FSHR: variants seen among roughly 807,000 people sequenced by gnomAD.
FSHR encodes the protein follicle-stimulating hormone receptor.
FSHR carries 46 observed loss-of-function variants against 52.1 expected under a neutral mutation model. The ratio of observed to expected loss-of-function variants is 0.88; its 90% CI spans 0.70 to 1.13. FSHR has a LOEUF of 1.13. Ranked by LOEUF, FSHR falls within the 50% of genes most tolerant of loss-of-function variation. FSHR has a pLI of 0.00. For missense variants in FSHR, 964 were observed against 834.6 expected, an observed-to-expected ratio of 1.16 and a Z score of -1.91; for synonymous variants, 399 against 309.6, an observed-to-expected ratio of 1.29 and a Z score of -3.03.
intron 8 of FSHR, among the ~76,000 whole-genome samples, chr2:48,971,338 G>T (rs182476684): frequency 4.1e-4 from 63 of 152,274 alleles, no homozygotes; most frequent in African/African-American, 1.4e-3. Context: ...CTCTGTCTCA[G>T]GCAGCAACTG....
At chr2:49,152,508 CT>C (rs749848192) in intron 1 of FSHR, among the ~76,000 whole-genome samples, 6 of 151,646 alleles carry the variant, frequency 4.0e-5, no homozygotes, top group Non-Finnish European at 7.4e-5. Flanking sequence ...TTTTCTTTCT[CT>C]TTTTCCCTTT....
At chr2:49,088,090 G>T (rs928364596) in intron 1 of FSHR, among the ~76,000 whole-genome samples, 1 of 152,148 alleles carries the variant, frequency 6.6e-6, no homozygotes, top group Non-Finnish European at 1.5e-5. Flanking sequence ...GCTGAGCATG[G>T]TTTATTTACT....
At chr2:49,043,239 C>G (rs930774617) in intron 2 of FSHR, among the ~76,000 whole-genome samples, 12 of 151,910 alleles carry the variant, frequency 7.9e-5, no homozygotes, top group African/African-American at 2.7e-4. Context: ...CTAAACTATC[C>G]CAGGTGTGGT....
At chr2:49,015,122 A>G (rs1195379526) in intron 4 of FSHR, among the ~76,000 whole-genome samples, 2 of 152,288 alleles carry the variant, frequency 1.3e-5, no homozygotes, top group African/African-American at 4.8e-5. Flanking sequence ...CAGCCGCTCT[A>G]TAGATAAGCA....
chr2:48,997,957 T>A (rs906433618), intron 4 of FSHR, among the ~76,000 whole-genome samples: 2 of 152,128 alleles, frequency 1.3e-5, no homozygotes, highest in Non-Finnish European at 2.9e-5. Context: ...AATTGCCTTC[T>A]GCTTCCTTCT....
rs1674314728 is a variant in FSHR at position 48,963,273 on chromosome 2, G to A, written c.1548C>T (p.Ile516=). The change falls in exon 10 of 10, where the codon ATC becomes ATT. Residue 516 remains isoleucine, a synonymous_variant. Coordinates refer to ENST00000406846, the MANE Select transcript of FSHR (RefSeq NM_000145.4). ...FGISSYMKVS[I]CLPMDIDSPL... is the part of the protein sequence containing the mutation. ...GGCTGTCAATATCCATGGGCAGGCA[G>A]ATGCTCACCTTCATGTAGCTGCTGA... is the stretch of plus-strand genomic sequence containing the variant. 2 of 1,614,052 alleles carry A rather than the reference G, an allele frequency of 1.2e-6. No individual in the cohort carries two copies. Among genetic ancestry groups the A allele is most frequent in the East Asian group, 2.2e-5 (1 of 44,888 alleles).
intron 4 of FSHR, chr2:48,997,200 C>T: frequency 1.0e-6 from 1 of 983,434 alleles, no homozygotes; most frequent in Non-Finnish European, 1.2e-6. Flanking sequence ...CTCAGTTTCT[C>T]TCTGTAAAAT....
At chr2:49,093,786 C>A (rs371331105) in intron 1 of FSHR, among the ~76,000 whole-genome samples, 1 of 151,550 alleles carries the variant, frequency 6.6e-6, no homozygotes, top group East Asian at 1.9e-4. Flanking sequence ...TAGTAGAGAC[C>A]GAGTTTCACC....
chr2:48,982,967 T>C lies in FSHR; in HGVS notation c.613A>G (p.Asn205Asp). Residue 205 changes from asparagine to aspartate, a missense_variant, in exon 8 of 10, where the codon AAT (asparagine) becomes GAT (aspartate). Asn to Asp is a conservative substitution (Grantham distance 23). Transcript: ENST00000406846. ...LDELNLSDNNNLEELPNDVFH... is the reference protein window; with the variant it reads ...LDELNLSDNNDLEELPNDVFH... ...ACATCATTAGGCAATTCTTCTAAATTATTATTATCGCTTAGATTCCTGGGG... is the reference window on the plus strand; with the variant it reads ...ACATCATTAGGCAATTCTTCTAAATCATTATTATCGCTTAGATTCCTGGGG... 1 of 1,614,016 alleles carries C rather than the reference T, an allele frequency of 6.2e-7. No individual in the cohort carries two copies. Among genetic ancestry groups the C allele is most frequent in the Non-Finnish European group, 8.5e-7 (1 of 1,179,916 alleles).
chr2:49,055,854 A>T (rs1311887296), intron 2 of FSHR, among the ~76,000 whole-genome samples: 1 of 152,084 alleles, frequency 6.6e-6, no homozygotes, highest in Non-Finnish European at 1.5e-5. Flanking sequence ...CATGGACAAG[A>T]AAAAAATAAG....
chr2:49,038,261 A>T (rs1668343040), intron 2 of FSHR, among the ~76,000 whole-genome samples: 1 of 152,138 alleles, frequency 6.6e-6, no homozygotes, highest in African/African-American at 2.4e-5. Flanking sequence ...GAAGAAACAA[A>T]TAGAGTTTAA....
At chr2:49,085,969 G>GA (rs1558433005) in intron 1 of FSHR, among the ~76,000 whole-genome samples, 1 of 151,482 alleles carries the variant, frequency 6.6e-6, no homozygotes, top group African/African-American at 2.4e-5. Context: ...TGTTGTGGGG[G>GA]GGGGGAGTGG....
intron 1 of FSHR, among the ~76,000 whole-genome samples, chr2:49,109,701 A>C (rs575270807): frequency 2.6e-5 from 4 of 152,272 alleles, no homozygotes; most frequent in African/African-American, 9.6e-5. Flanking sequence ...TGCATAGTTC[A>C]ACATCACATC....
chr2:49,056,551 G>A lies in FSHR; in HGVS notation c.224+11668C>T, dbSNP rs546301845. 2.6e-4 allele frequency among the ~76,000 whole-genome samples: 39 copies of A among 150,312 alleles called. No homozygotes were observed. The South Asian group carries it at 4.4e-3, about 17-fold the overall frequency. On this transcript the variant is annotated intron_variant, in intron 2 of 9. Coordinates refer to ENST00000406846, the MANE Select transcript of FSHR (RefSeq NM_000145.4). ...TTAGACCTAAAGGGAGAGATAGACC[G>A]CAATACATTAGTAGTTGGAGACTTC... is the stretch of plus-strand genomic sequence containing the variant.
chr2:49,127,891 T>C lies in FSHR; in HGVS notation c.152+26375A>G, dbSNP rs1454001231. On this transcript the variant is annotated intron_variant, in intron 1 of 9. Coordinates refer to ENST00000406846, the MANE Select transcript of FSHR (RefSeq NM_000145.4). ...TTCTTCTTCTTCTTCTTCTTCTTCT[T>C]CTTCTTCTTTTTTTTTTTTGAGACG... Among the ~76,000 whole-genome samples the C allele has an allele frequency of 1.7e-3, 66 of 38,952 alleles. 6 individuals carry two copies. Among genetic ancestry groups the C allele is most frequent in the African/African-American group, 0.01 (58 of 5,596 alleles). 25.6% of individuals were successfully genotyped at this position (38,952 alleles called of 152,430 possible).
intron 1 of FSHR, among the ~76,000 whole-genome samples, chr2:49,132,626 A>C (rs1672322783): frequency 6.6e-6 from 1 of 152,258 alleles, no homozygotes. Flanking sequence ...AAATGGGATA[A>C]GTAACTTCAT....
At chr2:48,968,669 C>A (rs1232320655) in intron 9 of FSHR, 29 bp downstream of exon 9, 6 of 1,612,310 alleles carry the variant, frequency 3.7e-6, no homozygotes, top group Non-Finnish European at 5.1e-6. Context: ...TGGGGAAATG[C>A]CTGAGCAGGG....
chr2:49,099,187 C>T (rs1670935856), intron 1 of FSHR, among the ~76,000 whole-genome samples: 1 of 151,956 alleles, frequency 6.6e-6, no homozygotes, highest in African/African-American at 2.4e-5. Flanking sequence ...ATTGCAGCTC[C>T]CACAATTCCC....
chr2:49,121,955 A>G (rs1402855461), intron 1 of FSHR, among the ~76,000 whole-genome samples: 1 of 152,188 alleles, frequency 6.6e-6, no homozygotes, highest in Non-Finnish European at 1.5e-5. Flanking sequence ...TGTCATCCAA[A>G]GCACTTCAAT....
Sources: gnomAD v4.1 joint callset for allele counts (sites outside exome capture counted in the v4.1 genomes callset) on GRCh38, gnomAD v4.1.1 for gene constraint, MANE v1.5 for transcripts, NCBI Gene and HGNC (gene_info 2026-07-23, HGNC 2026-07-21) for gene names.